RP1: variants seen among roughly 807,000 people sequenced by gnomAD.
RP1 encodes RP1 axonemal microtubule associated.
In RP1, 16 loss-of-function variants were observed where a neutral mutation model predicts 14.8. That is an observed-to-expected ratio of 1.08 (90% CI 0.73 to 1.65). RP1 has a LOEUF of 1.65. RP1 is among the 40% of genes most tolerant of loss of function. The pLI is 0.00. For missense variants in RP1, 2,631 were observed against 2,535.0 expected, an observed-to-expected ratio of 1.04 and a Z score of -0.81; for synonymous variants, 876 against 883.6, an observed-to-expected ratio of 0.99 and a Z score of 0.15.
chr8:54,868,296 T>G (rs1002904389), intron 28 of RP1, among the ~76,000 whole-genome samples: 2 of 152,124 alleles, frequency 1.3e-5, no homozygotes, highest in African/African-American at 4.8e-5. Context: ...TTTAAGATGG[T>G]TTATTGTATC....
At chr8:54,723,339 A>T (rs2129351572) in intron 16 of RP1, among the ~76,000 whole-genome samples, 1 of 152,310 alleles carries the variant, frequency 6.6e-6, no homozygotes, top group East Asian at 1.9e-4. Flanking sequence ...AAAAGACAAG[A>T]GATTCCGTCT....
chr8:54,599,693 G>T (rs1805230462), intron 1 of RP1, among the ~76,000 whole-genome samples: 1 of 152,106 alleles, frequency 6.6e-6, no homozygotes, highest in Non-Finnish European at 1.5e-5. Flanking sequence ...GACCTCAAGT[G>T]ATCCACTTGC....
chr8:54,690,980 C>A (rs1249109453), intron 12 of RP1, among the ~76,000 whole-genome samples: 1 of 152,064 alleles, frequency 6.6e-6, no homozygotes, highest in Non-Finnish European at 1.5e-5. Context: ...AACCTTTACT[C>A]TTCCATGGCT....
At chr8:54,652,011 C>CTTT (rs11463056) in intron 4 of RP1, among the ~76,000 whole-genome samples, 4 of 146,374 alleles carry the variant, frequency 2.7e-5, no homozygotes, top group Admixed American at 6.8e-5. Context: ...TTAATTTACA[C>CTTT]TTTTTTTTTT....
At position 54,625,207 on chromosome 8, in the gene RP1, C is replaced by A. The variant is rs755794081; in HGVS notation, c.1325C>A (p.Ala442Glu). 2.5e-6 allele frequency: 4 copies of A among 1,614,156 alleles called. No homozygotes were observed. In the Admixed American group the frequency reaches 5.0e-5, roughly 20 times the overall value. Residue 442 changes from alanine (A) to glutamate (E), a missense_variant, in exon 4 of 4, where the codon GCA becomes GAA. Physicochemically the swap from Ala to Glu is moderately radical, Grantham distance 107. Transcript: ENST00000220676. ...ATCATCCAGGGAACTCAAGACCAAG[C>A]AAAGCATCGTTTTTATAGGCCCCCT... ...TDIIQGTQDQ[A>E]KHRFYRPPTP...
At chr8:54,832,534 G>T (rs1247516135) in intron 24 of RP1, among the ~76,000 whole-genome samples, 1 of 151,402 alleles carries the variant, frequency 6.6e-6, no homozygotes, top group Non-Finnish European at 1.5e-5. Flanking sequence ...CTCTTTTCCT[G>T]TAGATTATAT....
chr8:54,720,064 C>G (rs1339597015), intron 15 of RP1: 1 of 1,236,086 alleles, frequency 8.1e-7, no homozygotes, highest in African/African-American at 1.5e-5. Flanking sequence ...TTTAAAACGA[C>G]TGGTTTTAAA....
At position 54,659,027 on chromosome 8, in the gene RP1, T is replaced by C. The variant is rs184727607; in HGVS notation, c.1171+2812T>C. Among the ~76,000 whole-genome samples, 147 of 152,296 alleles carry C rather than the reference T, an allele frequency of 9.7e-4. 1 individual carries two copies. Among genetic ancestry groups the C allele is most frequent in the South Asian group, 1.9e-3 (9 of 4,824 alleles). On this transcript the variant is annotated intron_variant, in intron 6 of 22. Transcript: ENST00000636932. ...CCATTTGTATATATTCTTTGATGAA[T>C]TGTCTATTCAAGCTCTTTGCCTATT...
At chr8:54,656,037 A>C (rs1188450101) in intron 5 of RP1, 1 of 1,385,292 alleles carries the variant, frequency 7.2e-7, no homozygotes, top group Admixed American at 2.6e-5. Flanking sequence ...TGACACTTTG[A>C]TAAAGCATTC....
At chr8:54,866,022 C>T in intron 28 of RP1, 1 of 437,352 alleles carries the variant, frequency 2.3e-6, no homozygotes, top group Non-Finnish European at 3.8e-6. Flanking sequence ...AACATCATTC[C>T]CTCCCTGAAA....
intron 1 of RP1, among the ~76,000 whole-genome samples, chr8:54,590,764 T>C (rs931438679): frequency 6.6e-6 from 1 of 152,224 alleles, no homozygotes; most frequent in Non-Finnish European, 1.5e-5. Flanking sequence ...CAGCTCCAGA[T>C]GTGATCACCA....
chr8:54,612,632 G>T (rs1218606069), upstream of RP1, among the ~76,000 whole-genome samples: 2 of 152,174 alleles, frequency 1.3e-5, no homozygotes, highest in African/African-American at 4.8e-5. Context: ...TTGGAAGTGT[G>T]AGATCATTAC....
intron 15 of RP1, among the ~76,000 whole-genome samples, chr8:54,708,576 G>A (rs1229529064): frequency 6.6e-6 from 1 of 151,972 alleles, no homozygotes. Flanking sequence ...AGCCAGGATG[G>A]TCTCGATCTT....
intron 1 of RP1, among the ~76,000 whole-genome samples, chr8:54,569,023 C>T (rs910845253): frequency 2.4e-4 from 37 of 152,320 alleles, no homozygotes; most frequent in African/African-American, 8.9e-4. Context: ...GAGCTTTGCT[C>T]CATGCCTGGC....
At chr8:54,631,639 T>A (rs1806247703), downstream of RP1, among the ~76,000 whole-genome samples, 1 of 152,018 alleles carries the variant, frequency 6.6e-6, no homozygotes, top group African/African-American at 2.4e-5. Context: ...AACCCAGTTC[T>A]TTGTGCTTGA....
intron 24 of RP1, among the ~76,000 whole-genome samples, chr8:54,812,389 C>A (rs1344968426): frequency 1.3e-5 from 2 of 152,216 alleles, no homozygotes; most frequent in East Asian, 3.9e-4. Context: ...TCTCCACCCA[C>A]CTCAGTCTCC....
At chr8:54,701,406 T>A (rs1283140866) in intron 13 of RP1, 8 of 1,190,104 alleles carry the variant, frequency 6.7e-6, no homozygotes, top group Admixed American at 3.3e-5. Flanking sequence ...AGTAGACACC[T>A]GTATATGTAT....
At chr8:54,828,882 C>CTTCTT (rs1811451711) in intron 24 of RP1, among the ~76,000 whole-genome samples, 1 of 83,902 alleles carries the variant, frequency 1.2e-5, no homozygotes, top group African/African-American at 4.8e-5. Flanking sequence ...TCTTCTTCTT[C>CTTCTT]TTTTTTTTTT....
chr8:54,699,240 C>T (rs977767864), intron 12 of RP1, among the ~76,000 whole-genome samples: 3 of 151,754 alleles, frequency 2.0e-5, no homozygotes, highest in Non-Finnish European at 4.4e-5. Flanking sequence ...CAAGGAATCA[C>T]CAGTTTTTAA....
Sources: allele counts gnomAD v4.1 joint callset (sites outside exome capture counted in the v4.1 genomes callset), GRCh38; gene constraint gnomAD v4.1.1; transcripts MANE v1.5; gene names NCBI Gene and HGNC (gene_info 2026-07-23, HGNC 2026-07-21).